Variants in PLEKHG5 observed in about 807,000 individuals in gnomAD.
The protein encoded by PLEKHG5 is pleckstrin homology and RhoGEF domain containing G5.
A neutral mutation model predicts 103.8 loss-of-function variants in PLEKHG5; 52 were observed. The ratio of observed to expected loss-of-function variants is 0.50; its 90% confidence interval spans 0.40 to 0.63. The LOEUF is 0.63. Ranked by LOEUF, PLEKHG5 falls within the 30% of genes least tolerant of loss-of-function variation. The probability of loss-of-function intolerance (pLI) is 0.00; values close to 1 mark genes in which losing one functional copy is unlikely to be tolerated. For missense variants in PLEKHG5, 1,205 were observed against 1,347.6 expected, an observed-to-expected ratio of 0.89 and a Z score of 1.66; for synonymous variants, 592 against 575.5, an observed-to-expected ratio of 1.03 and a Z score of -0.41.
chr1:6,479,857 C>G (rs920623237), intron 1 of PLEKHG5, among the ~76,000 whole-genome samples: 5 of 152,092 alleles, frequency 3.3e-5, no homozygotes, highest in Admixed American at 3.3e-4. Context: ...GCAATCTGCC[C>G]GCCTTGACCT....
rs1180797492 is a variant in PLEKHG5 at position 6,505,205 on chromosome 1, C to A, written c.-164-8636G>T. Among the ~76,000 whole-genome samples the A allele has an allele frequency of 6.6e-6, 1 of 152,146 alleles. No individual in the cohort carries two copies. The highest frequency in any genetic ancestry group is 2.4e-5 in the African/African-American group (1 of 41,428). On this transcript the variant is annotated intron_variant, in intron 1 of 21. Transcript: ENST00000377740. This position sits in a 1 kb window ranked among gnomAD's most constrained non-coding sequence, Gnocchi z 4.2. ...CGGACTCAAGTTTCTGTCACTGCAC[C>A]AAAGCTCCCTGACAGAGCTAGGTCC...
chr1:6,509,218 G>A (rs559879791), intron 1 of PLEKHG5, among the ~76,000 whole-genome samples: 15 of 152,312 alleles, frequency 9.8e-5, no homozygotes, highest in South Asian at 4.1e-4. Flanking sequence ...CCCTGGGCCC[G>A]GAGACCCTAA....
rs1416276272 is a variant in PLEKHG5 at position 6,472,516 on chromosome 1, C to T, written c.1080+11G>A. The T allele has an allele frequency of 1.9e-6, 3 of 1,588,664 alleles. No individual in the cohort carries two copies. The highest frequency in any genetic ancestry group is 1.3e-5 in the African/African-American group (1 of 74,406). ...AGGGTGGCCACGGGGACCAGCGCAG[C>T]CCCTACTCACGTTGATGATCACCCG... On this transcript the variant is annotated intron_variant, in intron 10 of 20. Transcript: ENST00000377728.
rs1644936374 is a variant in PLEKHG5 at position 6,482,801 on chromosome 1, T to C, written c.-87-5143A>G. On this transcript the variant is annotated intron_variant, in intron 1 of 20. Transcript: ENST00000377728. Reference sequence around the variant, plus strand: ...TTGGCTCACTGCAACCTCCGCCTCCTGGGTTCAGACAATTCTCCTGTTTCA... The same window carrying C: ...TTGGCTCACTGCAACCTCCGCCTCCCGGGTTCAGACAATTCTCCTGTTTCA... Among the ~76,000 whole-genome samples, 3 of 152,192 alleles carry C rather than the reference T, an allele frequency of 2.0e-5. No homozygotes were observed. In the South Asian group the frequency reaches 6.2e-4, roughly 31 times the overall value.
rs142439141 is a variant in PLEKHG5 at position 6,511,044 on chromosome 1, G to A, written c.-165+8401C>T. On this transcript the variant is annotated intron_variant, in intron 1 of 21. Coordinates refer to the PLEKHG5 transcript ENST00000377740. Reference sequence around the variant, plus strand: ...GCAGAAGTTGTAGTGAGCCGAGATCGCGCCACTACACTCCAGCCTCAGCGA... The same window carrying A: ...GCAGAAGTTGTAGTGAGCCGAGATCACGCCACTACACTCCAGCCTCAGCGA... Among the ~76,000 whole-genome samples the A allele has an allele frequency of 9.4e-3, 1,428 of 152,006 alleles. 19 individuals are homozygous for A. Among genetic ancestry groups the A allele is most frequent in the African/African-American group, 0.032 (1,337 of 41,432 alleles).
rs1208282181 is a variant in PLEKHG5, at chr1:6,491,236, C to G, written c.-88+401G>C. On this transcript the variant is annotated intron_variant, in intron 1 of 20. Coordinates refer to ENST00000377728, the MANE Select transcript of PLEKHG5 (RefSeq NM_020631.6). This position sits in a 1 kb window ranked among gnomAD's most constrained non-coding sequence, Gnocchi z 4.1. ...TGGGAAGGGTGTGGATACAGGGGGC[C>G]CACTCGAGGAGGTGGAGTTCAGGTC... Among the ~76,000 whole-genome samples, 8 of 152,046 alleles carry G rather than the reference C, an allele frequency of 5.3e-5. No individual in the cohort carries two copies. The highest frequency in any genetic ancestry group is 1.2e-4 in the Non-Finnish European group (8 of 68,010).
At chr1:6,517,412 T>C (rs1161375127) in intron 1 of PLEKHG5, among the ~76,000 whole-genome samples, 1 of 151,980 alleles carries the variant, frequency 6.6e-6, no homozygotes, top group Non-Finnish European at 1.5e-5. Flanking sequence ...CCAAAAGGTC[T>C]GTAACCCCCA....
rs1424028983 is a variant in PLEKHG5, at chr1:6,490,260, G to A, written c.-88+1377C>T. ...ACCCTAGAGACACTGTGATGGGGGC[G>A]GGAGCTTGAACCCATTCCACCCTCA... On this transcript the variant is annotated intron_variant, in intron 1 of 20. Transcript: ENST00000377728. The surrounding 1 kb of genome is among the most constrained non-coding windows in gnomAD (Gnocchi z 8.0). Among the ~76,000 whole-genome samples the A allele has an allele frequency of 6.6e-6, 1 of 152,106 alleles. No homozygotes were observed. Among genetic ancestry groups the A allele is most frequent in the Non-Finnish European group, 1.5e-5 (1 of 68,010 alleles).
rs577154837 is a variant in PLEKHG5 at position 6,516,775 on chromosome 1, A to ATG, written c.-165+2668_-165+2669dup. Among the ~76,000 whole-genome samples the ATG allele has an allele frequency of 7.8e-3, 1,025 of 130,574 alleles. 11 individuals carry two copies. Among genetic ancestry groups the ATG allele is most frequent in the Non-Finnish European group, 0.01 (635 of 63,034 alleles). The allele number at this position is 130,574 out of a possible 152,430, so 85.7% of individuals were successfully genotyped here. ...TGTGTATATATATATGTGTATATAT[A>ATG]TGTGTGTGTGTTATATATATGTGTA... is the stretch of plus-strand genomic sequence containing the variant. On this transcript the variant is annotated intron_variant, in intron 1 of 21. Transcript: ENST00000377740.
chr1:6,472,471 G>A, intron 10 of PLEKHG5, 56 bp downstream of exon 10: 2 of 1,201,710 alleles, frequency 1.7e-6, no homozygotes, highest in Non-Finnish European at 2.5e-6. Context: ...TCAGCTGAGG[G>A]CTGTCAGAAA....
At chr1:6,502,737 G>A (rs2148631591) in intron 1 of PLEKHG5, among the ~76,000 whole-genome samples, 1 of 152,328 alleles carries the variant, frequency 6.6e-6, no homozygotes, top group South Asian at 2.1e-4. Context: ...CCCATCACAG[G>A]CAGGGCTGGC....
At chr1:6,485,656 G>A (rs1645016997) in intron 1 of PLEKHG5, among the ~76,000 whole-genome samples, 1 of 18,208 alleles carries the variant, frequency 5.5e-5, no homozygotes. Context: ...CTCCCCGCCC[G>A]GGAACCCCTA....
At chr1:6,471,305 C>A (rs1644577424) in intron 12 of PLEKHG5, 183 bp downstream of exon 12, 1 of 787,276 alleles carries the variant, frequency 1.3e-6, no homozygotes, top group Non-Finnish European at 2.0e-6. Flanking sequence ...GGTAGATGGT[C>A]AGGTGGAGGC....
chr1:6,474,226 G>T, intron 6 of PLEKHG5, 62 bp from the exon 7 acceptor site: 1 of 1,583,458 alleles, frequency 6.3e-7, no homozygotes, highest in Non-Finnish European at 8.6e-7. Context: ...GGGGTCCCCG[G>T]TCCTCTCTCC....
At position 6,468,409 on chromosome 1, in the gene PLEKHG5, G is replaced by A. The variant is rs369876443; in HGVS notation, c.2427C>T (p.Asp809=). The A allele has an allele frequency of 9.8e-5, 158 of 1,611,756 alleles. 1 individual carries two copies. Among genetic ancestry groups the A allele is most frequent in the Middle Eastern group, 1.6e-4 (1 of 6,084 alleles). The change falls in exon 20 of 21, where the codon GAC becomes GAT. Residue 809 remains aspartate, a synonymous_variant. Transcript: ENST00000377728. ...CAGAGTCCATGGAGCAGGAGCGGCCGTCCACCGGACCCAGGGGCAGCAGCT... is the reference window on the plus strand; with the variant it reads ...CAGAGTCCATGGAGCAGGAGCGGCCATCCACCGGACCCAGGGGCAGCAGCT... ...TSELLPLGPV[D]GRSCSMDSAY... is the part of the protein sequence containing the mutation.
chr1:6,509,316 CAG>C (rs1305974330), intron 1 of PLEKHG5, among the ~76,000 whole-genome samples: 1 of 152,248 alleles, frequency 6.6e-6, no homozygotes, highest in East Asian at 1.9e-4. Context: ...GGCAGAGGGA[CAG>C]GGGCTAAAGA....
rs1375654776 is a variant in PLEKHG5, at chr1:6,474,605, G to A, written c.303-18C>T. 6.2e-7 allele frequency: 1 copy of A among 1,612,844 alleles called. No individual in the cohort carries two copies. Among genetic ancestry groups the A allele is most frequent in the Non-Finnish European group, 8.5e-7 (1 of 1,179,784 alleles). Reference sequence around the variant, plus strand: ...GCACCTCCCTGCCCCCAGGACAGGAGGCATGTGTGTTAGAACCAGGCGGCC... The same window carrying A: ...GCACCTCCCTGCCCCCAGGACAGGAAGCATGTGTGTTAGAACCAGGCGGCC... On this transcript the variant is annotated intron_variant, in intron 5 of 20. Transcript: ENST00000377728.
rs1363018395 is a variant in PLEKHG5, at chr1:6,475,478, C to T, written c.194G>A (p.Arg65Lys). ...GCTCCTCACATCCGTGTGTCTCCTCCTTGCTTTCTTCTTGGAGAGTTTCAG... is the reference window on the plus strand; with the variant it reads ...GCTCCTCACATCCGTGTGTCTCCTCTTTGCTTTCTTCTTGGAGAGTTTCAG... ...TGLKLSKKKARRRHTDDPSKE... is the reference protein window; with the variant it reads ...TGLKLSKKKAKRRHTDDPSKE... Residue 65 changes from arginine (R) to lysine (K), a missense_variant, in exon 4 of 21, where the codon AGG (arginine) becomes AAG (lysine). Arg to Lys is a conservative substitution (Grantham distance 26, BLOSUM62 2). Transcript: ENST00000377728. 6.2e-7 allele frequency: 1 copy of T among 1,613,560 alleles called. No individual in the cohort carries two copies. The highest frequency in any genetic ancestry group is 1.7e-5 in the Admixed American group (1 of 60,006).
chr1:6,477,762 C>T (rs1364270841), intron 1 of PLEKHG5, 104 bp from the exon 2 acceptor site: 1 of 1,284,446 alleles, frequency 7.8e-7, no homozygotes, highest in Non-Finnish European at 1.1e-6. Flanking sequence ...CTCCATCTCT[C>T]GATCCAGGGT....
Sources: gnomAD v4.1 joint callset for allele counts (sites outside exome capture counted in the v4.1 genomes callset) on GRCh38, gnomAD v4.1.1 for gene constraint, Gnocchi (gnomAD v3.1) non-coding constraint, MANE v1.5 for transcripts, NCBI Gene and HGNC (gene_info 2026-07-23, HGNC 2026-07-21) for gene names.